SH3RF1: variants seen among roughly 807,000 people sequenced by gnomAD.
The protein encoded by SH3RF1 is E3 ubiquitin-protein ligase SH3RF1.
Under a neutral mutation model 74.0 loss-of-function variants are expected in SH3RF1, and 32 were observed. That is an observed-to-expected ratio of 0.43 (90% CI 0.33 to 0.58). The LOEUF is 0.58. Among genes scored for constraint, SH3RF1 ranks in the 20% least tolerant of loss-of-function variants. The pLI, the probability that SH3RF1 is intolerant of heterozygous loss-of-function variation, is 0.05. For synonymous variants in SH3RF1, 396 were observed against 439.6 expected (o/e 0.90, Z 1.24); for missense variants, 954 against 1,130.9 (o/e 0.84, Z 2.24).
At chr4:169,244,605 G>C (rs1730963683) in intron 2 of SH3RF1, among the ~76,000 whole-genome samples, 2 of 152,106 alleles carry the variant, frequency 1.3e-5, no homozygotes, top group African/African-American at 4.8e-5. Flanking sequence ...GGCAGAGAAA[G>C]ACACACAAGA....
intron 2 of SH3RF1, among the ~76,000 whole-genome samples, chr4:169,245,598 C>T (rs1876396): frequency 0.19 from 29,096 of 152,076 alleles, 3,023 homozygotes; most frequent in Non-Finnish European, 0.24. Flanking sequence ...CCCATTCTTG[C>T]CTACTTGGAG....
At chr4:169,212,495 TG>T (rs1164233548) in intron 2 of SH3RF1, among the ~76,000 whole-genome samples, 1 of 152,220 alleles carries the variant, frequency 6.6e-6, no homozygotes. Flanking sequence ...AGTATCTATA[TG>T]TTTTTTCCCT....
chr4:169,117,642 C>A lies in SH3RF1; in HGVS notation c.1658G>T (p.Ser553Ile). The A allele has an allele frequency of 1.2e-6, 2 of 1,614,212 alleles. No homozygotes were observed. Among genetic ancestry groups the A allele is most frequent in the Non-Finnish European group, 1.7e-6 (2 of 1,180,044 alleles). The stretch of plus-strand genomic sequence containing the variant: ...TGATACCACAGCTGCGGGGACAACA[C>A]TGGGACTCCCAGCCACGCCATTTCC... ...LQGNGVAGSP[S>I]VVPAAVVSAA... is the part of the protein sequence containing the mutation. Residue 553 changes from serine to isoleucine, a missense_variant, in exon 9 of 12, where the codon AGT becomes ATT. By Grantham distance (142) the Ser-to-Ile change is moderately radical. Transcript: ENST00000284637.
At chr4:169,180,519 A>G (rs1734491838) in intron 2 of SH3RF1, among the ~76,000 whole-genome samples, 1 of 152,230 alleles carries the variant, frequency 6.6e-6, no homozygotes. Context: ...GCGGAAAGAA[A>G]AGAGATGGCC....
intron 2 of SH3RF1, among the ~76,000 whole-genome samples, chr4:169,207,108 C>T (rs1730276667): frequency 6.6e-6 from 1 of 152,068 alleles, no homozygotes; most frequent in Admixed American, 6.6e-5. Flanking sequence ...CAAGTGGGTG[C>T]TACCATGCCT....
At chr4:169,159,995 G>A (rs1734125584) in intron 2 of SH3RF1, among the ~76,000 whole-genome samples, 1 of 152,178 alleles carries the variant, frequency 6.6e-6, no homozygotes, top group Non-Finnish European at 1.5e-5. Flanking sequence ...TTTAGATGTG[G>A]CTGTAGTTCA....
chr4:169,183,127 G>A (rs954328797), intron 2 of SH3RF1, among the ~76,000 whole-genome samples: 8 of 152,132 alleles, frequency 5.3e-5, no homozygotes, highest in South Asian at 4.1e-4. Flanking sequence ...CCAACATGGC[G>A]AAACTCCATC....
chr4:169,187,446 C>T (rs558384110), intron 2 of SH3RF1, among the ~76,000 whole-genome samples: 1 of 151,834 alleles, frequency 6.6e-6, no homozygotes, highest in South Asian at 2.1e-4. Flanking sequence ...ACTCAGTCTC[C>T]CAAAGTGCTG....
At chr4:169,202,085 T>TA (rs542971477) in intron 2 of SH3RF1, among the ~76,000 whole-genome samples, 43 of 146,140 alleles carry the variant, frequency 2.9e-4, no homozygotes, top group East Asian at 2.4e-3. Flanking sequence ...GCTGTCAGCT[T>TA]AAAAAAAAAA....
intron 2 of SH3RF1, among the ~76,000 whole-genome samples, chr4:169,219,632 G>A (rs912253446): frequency 6.6e-5 from 10 of 152,120 alleles, no homozygotes; most frequent in Non-Finnish European, 1.2e-4. Flanking sequence ...CTACTGTTTT[G>A]TATTTCCTTC....
intron 2 of SH3RF1, among the ~76,000 whole-genome samples, chr4:169,163,869 TG>T (rs1446075456): frequency 2.6e-5 from 4 of 152,196 alleles, no homozygotes; most frequent in African/African-American, 9.7e-5. Flanking sequence ...TTCTTTCACT[TG>T]GATTTTTATG....
At chr4:169,235,505 G>A (rs540026193) in intron 2 of SH3RF1, among the ~76,000 whole-genome samples, 9 of 152,246 alleles carry the variant, frequency 5.9e-5, no homozygotes, top group African/African-American at 1.9e-4. Context: ...GAACGGTTAA[G>A]TAACTTGCCC....
At chr4:169,149,954 T>A (rs527726664) in intron 4 of SH3RF1, among the ~76,000 whole-genome samples, 1 of 152,292 alleles carries the variant, frequency 6.6e-6, no homozygotes, top group South Asian at 2.1e-4. Context: ...TACCTACACT[T>A]CTACTTCTTA....
chr4:169,118,358 G>A (rs1203259469), intron 8 of SH3RF1, among the ~76,000 whole-genome samples: 1 of 152,202 alleles, frequency 6.6e-6, no homozygotes, highest in African/African-American at 2.4e-5. Flanking sequence ...AAGATCTTAT[G>A]ATTCTATTGT....
At chr4:169,236,985 T>C (rs943210792) in intron 2 of SH3RF1, among the ~76,000 whole-genome samples, 1 of 152,162 alleles carries the variant, frequency 6.6e-6, no homozygotes, top group African/African-American at 2.4e-5. Flanking sequence ...TTCTGTCTCA[T>C]CCCCTGCCAG....
At chr4:169,153,831 T>G (rs774254580) in intron 4 of SH3RF1, among the ~76,000 whole-genome samples, 2 of 152,218 alleles carry the variant, frequency 1.3e-5, no homozygotes, top group African/African-American at 4.8e-5. Flanking sequence ...TACTTTCTAC[T>G]TGGGCAGAAG....
At chr4:169,152,210 G>T (rs1404761227) in intron 4 of SH3RF1, among the ~76,000 whole-genome samples, 4 of 152,100 alleles carry the variant, frequency 2.6e-5, no homozygotes, top group Admixed American at 2.6e-4. Flanking sequence ...AACCTCTAAG[G>T]CTCAACCAAA....
rs929682766 is a variant in SH3RF1, at chr4:169,107,157, G to A, written c.2188C>T (p.Arg730Trp). 4.5e-6 allele frequency: 7 copies of A among 1,571,396 alleles called. No homozygotes were observed. Among genetic ancestry groups the A allele is most frequent in the African/African-American group, 2.7e-5 (2 of 72,916 alleles). ...GCTGGAGGAGACACGCGGGGCTTCC[G>A]TTTAGTGGAGGCGCCAGAAAGCAAC... ...LKLLSGASTK[R>W]KPRVSPPASP... The change falls in exon 11 of 12, where the codon CGG (arginine) becomes TGG (tryptophan). Residue 730 changes from arginine (R) to tryptophan (W), a missense_variant. Physicochemically the swap from Arg to Trp is moderately radical, Grantham distance 101 (BLOSUM62 -3). Around this residue, in one of 3 missense-constraint regions of SH3RF1, gnomAD observed 854 missense variants for 962.5 expected, o/e 0.89. Transcript: ENST00000284637.
intron 2 of SH3RF1, among the ~76,000 whole-genome samples, chr4:169,224,250 A>C (rs1730618308): frequency 6.6e-6 from 1 of 152,190 alleles, no homozygotes; most frequent in Non-Finnish European, 1.5e-5. Flanking sequence ...GTAAGGAAGA[A>C]GCCAGTAGAG....
Sources: gnomAD v4.1 joint callset for allele counts (sites outside exome capture counted in the v4.1 genomes callset) on GRCh38, gnomAD v4.1.1 for gene constraint, gnomAD v4.1.1 regional missense constraint, MANE v1.5 for transcripts, NCBI Gene and HGNC (gene_info 2026-07-23, HGNC 2026-07-21) for gene names.